ATP10B: variants seen among roughly 807,000 people sequenced by gnomAD.
ATP10B encodes the protein ATPase phospholipid transporting 10B (putative).
Under a neutral mutation model 141.2 loss-of-function variants are expected in ATP10B, and 122 were observed. That is an observed-to-expected ratio of 0.86 (90% CI 0.75 to 1.00). The LOEUF is 1.00. Ranked by LOEUF, ATP10B falls within the 50% of genes least tolerant of loss-of-function variation. ATP10B has a pLI of 0.00. For synonymous variants in ATP10B, 685 were observed against 692.0 expected (o/e 0.99, Z 0.16); for missense variants, 1,876 against 1,825.3 (o/e 1.03, Z -0.51).
intron 1 of ATP10B, among the ~76,000 whole-genome samples, chr5:160,810,436 G>A (rs966108752): frequency 7.2e-5 from 11 of 151,968 alleles, no homozygotes; most frequent in Non-Finnish European, 1.5e-4. Flanking sequence ...CTCTAAATTG[G>A]TTGGTATGAT....
intron 1 of ATP10B, among the ~76,000 whole-genome samples, chr5:160,815,220 G>A (rs561306396): frequency 6.6e-6 from 1 of 152,318 alleles, no homozygotes; most frequent in Admixed American, 6.5e-5. Flanking sequence ...AGACCCATCA[G>A]TGTGCTGTAT....
At chr5:160,671,164 CAAAAAAAAAA>C (rs1167788105) in intron 6 of ATP10B, among the ~76,000 whole-genome samples, 12 of 23,740 alleles carry the variant, frequency 5.1e-4, no homozygotes, top group African/African-American at 1.0e-3. Context: ...GACTCTGTCT[CAAAAAAAAAA>C]AAAAAAAAAA....
chr5:160,649,067 A>C, intron 8 of ATP10B, 104 bp downstream of exon 8: 2 of 725,492 alleles, frequency 2.8e-6, no homozygotes, highest in South Asian at 4.6e-5. Context: ...CACAAATAAA[A>C]TTCCTCAGGA....
At chr5:160,866,165 A>T in the ATP10B span, among the ~76,000 whole-genome samples, 5 of 152,134 alleles carry the variant, frequency 3.3e-5, no homozygotes, top group Non-Finnish European at 7.4e-5. Context: ...AACCAACCTA[A>T]ATGCTTATCA....
the ATP10B span, among the ~76,000 whole-genome samples, chr5:160,906,664 G>T: frequency 6.6e-6 from 1 of 152,208 alleles, no homozygotes; most frequent in South Asian, 2.1e-4. Context: ...AATTTCCCAG[G>T]ATCTCTTGCT....
intron 4 of ATP10B, 125 bp from the exon 5 acceptor site, chr5:160,688,219 C>G: frequency 1.0e-6 from 1 of 981,588 alleles, no homozygotes. Context: ...TGACCTACTT[C>G]CTTGTAACTA....
chr5:160,575,055 T>G (rs1755109737), intron 24 of ATP10B, among the ~76,000 whole-genome samples: 1 of 152,178 alleles, frequency 6.6e-6, no homozygotes, highest in African/African-American at 2.4e-5. Context: ...ATAATAGAGA[T>G]TAACTGTTCT....
chr5:160,576,129 T>C (rs1305306063), intron 24 of ATP10B, among the ~76,000 whole-genome samples: 1 of 152,114 alleles, frequency 6.6e-6, no homozygotes, highest in Non-Finnish European at 1.5e-5. Flanking sequence ...TCACTGTGAA[T>C]GGGGTCGGGT....
chr5:160,565,917 G>C lies in ATP10B; in HGVS notation c.3939-17C>G. 1.3e-6 allele frequency: 2 copies of C among 1,579,804 alleles called. 1 individual carries two copies. On this transcript the variant is annotated splice_polypyrimidine_tract_variant and intron_variant, in intron 25 of 25. Coordinates refer to ENST00000327245, the MANE Select transcript of ATP10B (RefSeq NM_025153.3). ...AAAAAGTATCTGGTGGGAAACAACA[G>C]AATAAAGATATTTCTGATTTCCACT...
intron 2 of ATP10B, among the ~76,000 whole-genome samples, chr5:160,740,020 G>A (rs905418666): frequency 9.9e-5 from 15 of 152,084 alleles, no homozygotes; most frequent in African/African-American, 3.4e-4. Context: ...AAATAAGTGA[G>A]GAAGAAGGGG....
intron 2 of ATP10B, among the ~76,000 whole-genome samples, chr5:160,740,340 A>G (rs1260607788): frequency 6.6e-6 from 1 of 152,250 alleles, no homozygotes; most frequent in Non-Finnish European, 1.5e-5. Flanking sequence ...GAACTTCAGG[A>G]GAACTCACAG....
At chr5:160,717,812 G>A (rs1313036839) in intron 2 of ATP10B, among the ~76,000 whole-genome samples, 8 of 152,128 alleles carry the variant, frequency 5.3e-5, no homozygotes. Flanking sequence ...GCTGTACTGA[G>A]ACACTTAATG....
At chr5:160,630,623 C>G (rs1021435901) in intron 13 of ATP10B, among the ~76,000 whole-genome samples, 2 of 152,058 alleles carry the variant, frequency 1.3e-5, no homozygotes, top group African/African-American at 4.8e-5. Context: ...CGGGGAAGTG[C>G]ATTACATTTA....
At chr5:160,914,540 A>G in the ATP10B span, among the ~76,000 whole-genome samples, 4 of 152,134 alleles carry the variant, frequency 2.6e-5, no homozygotes, top group Admixed American at 1.3e-4. Flanking sequence ...TAGTTGTTTT[A>G]TGCTATTGGT....
intron 2 of ATP10B, among the ~76,000 whole-genome samples, chr5:160,736,684 T>TGGGGGGCAGAGGTTGC (rs1767136584): frequency 6.6e-6 from 1 of 151,998 alleles, no homozygotes; most frequent in African/African-American, 2.4e-5. Context: ...CGCTTGAACC[T>TGGGGGGCAGAGGTTGC]GGGGGGCAGA....
the ATP10B span, among the ~76,000 whole-genome samples, chr5:160,870,747 A>C: frequency 6.6e-5 from 10 of 152,082 alleles, no homozygotes; most frequent in South Asian, 6.2e-4. Context: ...GCCAAAAAAA[A>C]ACACAAAAAA....
chr5:160,788,898 T>A (rs1475292556), intron 1 of ATP10B, among the ~76,000 whole-genome samples: 1 of 151,936 alleles, frequency 6.6e-6, no homozygotes, highest in Non-Finnish European at 1.5e-5. Context: ...ATAGAAACAG[T>A]TAGGTTTCTA....
chr5:160,736,102 C>T (rs1554109774), intron 2 of ATP10B, among the ~76,000 whole-genome samples: 2 of 151,778 alleles, frequency 1.3e-5, no homozygotes, highest in Non-Finnish European at 1.5e-5. Context: ...AAACCAAACC[C>T]AAAATTAGTC....
chr5:160,907,132 G>T, the ATP10B span, among the ~76,000 whole-genome samples: 2 of 152,114 alleles, frequency 1.3e-5, no homozygotes. Context: ...ATCGTTTTCT[G>T]TAATTCCTGC....
Sources: allele counts gnomAD v4.1 joint callset (sites outside exome capture counted in the v4.1 genomes callset), GRCh38; gene constraint gnomAD v4.1.1; transcripts MANE v1.5; gene names NCBI Gene and HGNC (gene_info 2026-07-23, HGNC 2026-07-21).